The following PODN variants were observed in gnomAD, a reference collection of about 807,000 sequenced individuals.
The protein encoded by PODN is podocan proteoglycan.
PODN carries 40 observed loss-of-function variants against 52.7 expected under a neutral mutation model. The observed-to-expected ratio is 0.76, with a 90% CI of 0.59 to 0.99. The LOEUF is 0.99. PODN is among the 50% of genes least tolerant of loss of function. The pLI is 0.00. For missense variants in PODN, 720 were observed against 815.1 expected, an observed-to-expected ratio of 0.88 and a Z score of 1.42; for synonymous variants, 396 against 377.9, an observed-to-expected ratio of 1.05 and a Z score of -0.56.
At chr1:53,070,297 C>A in intron 2 of PODN, 130 bp downstream of exon 2, 1 of 1,400,572 alleles carries the variant, frequency 7.1e-7, no homozygotes, top group Non-Finnish European at 9.6e-7. Context: ...CCACTCCCAA[C>A]CACAGGGTGC....
At chr1:53,075,687 C>T (rs1404006851) in intron 4 of PODN, among the ~76,000 whole-genome samples, 175 bp from the exon 5 acceptor site, 3 of 151,870 alleles carry the variant, frequency 2.0e-5, no homozygotes, top group Admixed American at 6.6e-5. Context: ...TGAGGACAGC[C>T]AGAGAGGTTT....
chr1:53,071,793 C>T (rs1449505308), intron 3 of PODN, among the ~76,000 whole-genome samples, 165 bp downstream of exon 3: 1 of 151,616 alleles, frequency 6.6e-6, no homozygotes, highest in East Asian at 1.9e-4. Flanking sequence ...TGAGAACCAG[C>T]TCCACACGGG....
chr1:53,064,140 T>C (rs921204761), intron 1 of PODN, among the ~76,000 whole-genome samples: 3 of 152,200 alleles, frequency 2.0e-5, no homozygotes, highest in Admixed American at 6.5e-5. Flanking sequence ...TCAGAGCAGA[T>C]CATACTGCAG....
intron 1 of PODN, 84 bp from the exon 2 acceptor site, chr1:53,069,717 A>G: frequency 1.4e-6 from 2 of 1,480,512 alleles, no homozygotes; most frequent in Non-Finnish European, 1.8e-6. Flanking sequence ...CTCTGAGGAC[A>G]GTCCAGAGTG....
At chr1:53,064,340 C>T (rs181378240) in intron 1 of PODN, among the ~76,000 whole-genome samples, 1 of 152,344 alleles carries the variant, frequency 6.6e-6, no homozygotes, top group African/African-American at 2.4e-5. Flanking sequence ...GAGAGGCTTC[C>T]CTGAGCAGGG....
chr1:53,077,839 G>A, intron 7 of PODN, 39 bp downstream of exon 7: 3 of 1,575,408 alleles, frequency 1.9e-6, no homozygotes, highest in Non-Finnish European at 2.6e-6. Flanking sequence ...CGTGACCACG[G>A]GGCCCGGGAA....
chr1:53,074,432 G>T (rs1481746206), intron 3 of PODN, among the ~76,000 whole-genome samples, 174 bp from the exon 4 acceptor site: 1 of 152,072 alleles, frequency 6.6e-6, no homozygotes, highest in East Asian at 1.9e-4. Flanking sequence ...GGGCTTATGT[G>T]AGCAAGGAGA....
intron 1 of PODN, chr1:53,066,864 C>T: frequency 1.9e-6 from 3 of 1,549,386 alleles, no homozygotes; most frequent in Non-Finnish European, 2.6e-6. Flanking sequence ...GAACAGCCTG[C>T]CTGGTATGTG....
rs778244450 is a variant in PODN at position 53,082,127 on chromosome 1, A to AGG, written c.1808_1809insGG (p.Glu605ArgfsTer18). 3.6e-4 allele frequency: 569 copies of AGG among 1,586,290 alleles called. 2 individuals are homozygous for AGG. The East Asian group carries it at 5.8e-3, about 16-fold the overall frequency. On this transcript the variant is annotated frameshift_variant, in exon 10 of 11. Transcript: ENST00000312553. LOFTEE classifies it high-confidence loss of function. ...TTGGGGAAGGAAAAGGAGGAGGAGGAAGAGGAGGAGGAGGAGGAAGAGGAA... is the reference window on the plus strand; with the variant it reads ...TTGGGGAAGGAAAAGGAGGAGGAGGAGGAGAGGAGGAGGAGGAGGAAGAGGAA...
chr1:53,074,769 C>G (rs1644170560), intron 4 of PODN, 99 bp downstream of exon 4: 1 of 956,282 alleles, frequency 1.0e-6, no homozygotes, highest in Non-Finnish European at 1.6e-6. Context: ...TCTGGACTCC[C>G]TGCTGGGTCC....
At chr1:53,083,832 G>C (rs1250496288) in intron 10 of PODN, among the ~76,000 whole-genome samples, 4 of 152,128 alleles carry the variant, frequency 2.6e-5, no homozygotes. Context: ...GCGGCTGTGT[G>C]GTCGGAGGAG....
At chr1:53,075,764 G>C (rs1644184798) in intron 4 of PODN, 98 bp from the exon 5 acceptor site, 1 of 911,938 alleles carries the variant, frequency 1.1e-6, no homozygotes, top group African/African-American at 1.6e-5. Context: ...GTTGCAGGGA[G>C]ACACAGTGAA....
chr1:53,068,031 TG>T (rs112077537), intron 1 of PODN, among the ~76,000 whole-genome samples: 14,234 of 151,694 alleles, frequency 0.094, 1,088 homozygotes, highest in African/African-American at 0.21. Context: ...GTGCAGACCA[TG>T]CCCATGGAAC....
At chr1:53,064,216 C>T (rs776807776) in intron 1 of PODN, among the ~76,000 whole-genome samples, 1 of 152,268 alleles carries the variant, frequency 6.6e-6, no homozygotes, top group Admixed American at 6.5e-5. Flanking sequence ...TTCCCCAGCA[C>T]CCCCACTCCA....
At chr1:53,079,059 AG>A in intron 8 of PODN, 37 bp downstream of exon 8, 5 of 1,479,542 alleles carry the variant, frequency 3.4e-6, no homozygotes, top group Non-Finnish European at 3.6e-6. Flanking sequence ...ATGCCCATGG[AG>A]GGGGGTACTG....
At chr1:53,080,422 T>C (rs1384248087) in intron 8 of PODN, among the ~76,000 whole-genome samples, 1 of 152,232 alleles carries the variant, frequency 6.6e-6, no homozygotes, top group Non-Finnish European at 1.5e-5. Context: ...CCCAAACATC[T>C]TGGCTGTGGG....
At position 53,074,591 on chromosome 1, in the gene PODN, G is replaced by A. The variant is rs1644167397; in HGVS notation, c.407-15G>A. ...TCCTCCATCCAGGGCTCTGACCGAT[G>A]CCTGTCCTTTGAAGGGCTCCCAGAG... On this transcript the variant is annotated splice_polypyrimidine_tract_variant and intron_variant, in intron 3 of 10. Transcript: ENST00000312553. 1 of 1,613,862 alleles carries A rather than the reference G, an allele frequency of 6.2e-7. No homozygotes were observed.
intron 9 of PODN, among the ~76,000 whole-genome samples, chr1:53,081,750 A>C (rs1644298802): frequency 6.6e-6 from 1 of 152,178 alleles, no homozygotes; most frequent in South Asian, 2.1e-4. Context: ...GAGACCCCTC[A>C]CTTTGCAGAG....
At chr1:53,070,319 A>G (rs1313960128) in intron 2 of PODN, 152 bp downstream of exon 2, 66 of 1,244,938 alleles carry the variant, frequency 5.3e-5, no homozygotes, top group Non-Finnish European at 7.0e-5. Context: ...GGGGCAGGTC[A>G]GATTTCTGGG....
Sources: gnomAD v4.1 joint callset for allele counts (sites outside exome capture counted in the v4.1 genomes callset) on GRCh38, gnomAD v4.1.1 for gene constraint, MANE v1.5 for transcripts, NCBI Gene and HGNC (gene_info 2026-07-23, HGNC 2026-07-21) for gene names.